The following GSE1 variants were observed in gnomAD, a reference collection of about 807,000 sequenced individuals.
GSE1 encodes the protein Gse1 coiled-coil protein.
GSE1 carries 32 observed loss-of-function variants against 112.6 expected under a neutral mutation model. The observed-to-expected ratio is 0.28, with a 90% CI of 0.21 to 0.38. GSE1 has a LOEUF of 0.38. GSE1 is among the 10% of genes least tolerant of loss of function. The pLI, the probability that GSE1 is intolerant of heterozygous loss-of-function variation, is 1.00. For synonymous variants in GSE1, 1,115 were observed against 735.6 expected (o/e 1.52, Z -8.35); for missense variants, 2,348 against 1,699.2 (o/e 1.38, Z -6.71).
intron 1 of GSE1, among the ~76,000 whole-genome samples, chr16:85,601,468 G>A (rs1257622051): frequency 1.3e-5 from 2 of 152,186 alleles, no homozygotes; most frequent in African/African-American, 2.4e-5. Flanking sequence ...AAGGCCAGGC[G>A]GGAAGAGGCT....
Position 85,661,279 on chromosome 16 carries a change from GACA to G in GSE1, c.1778_1780del (p.Asn593del). 2 of 1,612,922 alleles carry G rather than the reference GACA, an allele frequency of 1.2e-6. No individual in the cohort carries two copies. Among genetic ancestry groups the G allele is most frequent in the Middle Eastern group, 1.6e-4 (1 of 6,062 alleles). On this transcript the variant is annotated inframe_deletion, in exon 9 of 16. Transcript: ENST00000253458. ...CCTCTGGAACCCCGTGTCCCTGATG[GACA>G]ACACCTTGGAGACGCGGCGGGCCGA... is the stretch of plus-strand genomic sequence containing the variant.
chr16:85,220,968 C>T (rs1424167796), intron 1 of GSE1, among the ~76,000 whole-genome samples: 2 of 150,326 alleles, frequency 1.3e-5, no homozygotes, highest in African/African-American at 2.5e-5. Flanking sequence ...GGCCCCTCTC[C>T]CCCTCCCTGG....
chr16:85,367,647 C>T (rs1294034989), intron 2 of GSE1, among the ~76,000 whole-genome samples: 1 of 152,206 alleles, frequency 6.6e-6, no homozygotes, highest in Non-Finnish European at 1.5e-5. Flanking sequence ...GGCCCCGGGG[C>T]AGCCAGTGCC....
chr16:85,617,193 C>G (rs1023806934), intron 1 of GSE1, among the ~76,000 whole-genome samples: 1 of 152,190 alleles, frequency 6.6e-6, no homozygotes, highest in South Asian at 2.1e-4. Flanking sequence ...TCCCTCGCAT[C>G]CATACTCCCA....
chr16:85,466,241 C>T (rs2050116981), intron 2 of GSE1, among the ~76,000 whole-genome samples: 2 of 152,244 alleles, frequency 1.3e-5, no homozygotes. Context: ...GGCCCAGGCT[C>T]TGGTAGCCAG....
In GSE1 at chr16:85,657,384, A is replaced by G; in HGVS notation, c.1420A>G (p.Ile474Val). The change falls in exon 8 of 16, where the codon ATC becomes GTC. Residue 474 changes from isoleucine to valine, a missense_variant. Coordinates refer to ENST00000253458, the MANE Select transcript of GSE1 (RefSeq NM_014615.5). The stretch of plus-strand genomic sequence containing the variant: ...GCCCAGCCTCATCTCCAACCATGGC[A>G]TCTTCTCTCTGCCTAGCAGCAGTGC... ...TVPSLISNHG[I>V]FSLPSSSAAT... 3.1e-6 allele frequency: 5 copies of G among 1,612,584 alleles called. No homozygotes were observed. The highest frequency in any genetic ancestry group is 2.5e-6 in the Non-Finnish European group (3 of 1,179,830).
At chr16:85,352,646 A>AG (rs926593561) in intron 1 of GSE1, among the ~76,000 whole-genome samples, 13 of 152,320 alleles carry the variant, frequency 8.5e-5, no homozygotes, top group East Asian at 1.9e-4. Context: ...AGGATAAGGA[A>AG]GGGGGGCCCT....
rs542195909 is a variant in GSE1 at position 85,262,384 on chromosome 16, T to C, written c.2283+90577T>C. On this transcript the variant is annotated intron_variant, in intron 1 of 2. Coordinates refer to the GSE1 transcript ENST00000637419. ...TTGTCGGGGAGGGGGCCAGCTAGAG[T>C]TTGCATCGCTTTTGACAGCTAATTA... Among the ~76,000 whole-genome samples the C allele has an allele frequency of 8.6e-4, 131 of 151,998 alleles. 2 individuals carry two copies. The highest frequency in any genetic ancestry group is 3.1e-3 in the African/African-American group (129 of 41,450).
intron 11 of GSE1, among the ~76,000 whole-genome samples, chr16:85,664,159 A>G (rs1288748465): frequency 6.6e-6 from 1 of 152,234 alleles, no homozygotes; most frequent in Non-Finnish European, 1.5e-5. Flanking sequence ...AGCAGAAGAA[A>G]CAACGCAGCC....
At chr16:85,261,590 C>T (rs1907687755) in intron 1 of GSE1, among the ~76,000 whole-genome samples, 1 of 152,168 alleles carries the variant, frequency 6.6e-6, no homozygotes, top group African/African-American at 2.4e-5. Context: ...GAGGGCTGCC[C>T]CGTGTGGTAG....
At chr16:85,337,516 A>G (rs1308233795) in intron 1 of GSE1, among the ~76,000 whole-genome samples, 1 of 151,826 alleles carries the variant, frequency 6.6e-6, no homozygotes, top group East Asian at 1.9e-4. Context: ...CGTGTTAGCC[A>G]GGATGGTCTC....
At chr16:85,392,727 C>T (rs550447706) in intron 2 of GSE1, among the ~76,000 whole-genome samples, 2 of 152,338 alleles carry the variant, frequency 1.3e-5, no homozygotes, top group Non-Finnish European at 1.5e-5. Flanking sequence ...GAGAGCCAGC[C>T]GCATATCACA....
intron 1 of GSE1, among the ~76,000 whole-genome samples, chr16:85,562,683 G>A (rs1490451811): frequency 2.6e-5 from 4 of 152,214 alleles, no homozygotes; most frequent in Non-Finnish European, 2.9e-5. Flanking sequence ...CTGGTGCTCC[G>A]TGTCGCTTGC....
At chr16:85,330,393 C>G (rs937955511) in intron 1 of GSE1, among the ~76,000 whole-genome samples, 2 of 152,210 alleles carry the variant, frequency 1.3e-5, no homozygotes, top group African/African-American at 2.4e-5. Flanking sequence ...GTAACAGTCT[C>G]CCCTGGAGCC....
chr16:85,649,408 C>G (rs2051146921), intron 3 of GSE1, among the ~76,000 whole-genome samples: 1 of 152,198 alleles, frequency 6.6e-6, no homozygotes, highest in African/African-American at 2.4e-5. Flanking sequence ...AGATCCCAGC[C>G]CAGACGCTAT....
chr16:85,339,972 C>T (rs1318961404), intron 1 of GSE1, among the ~76,000 whole-genome samples: 1 of 152,192 alleles, frequency 6.6e-6, no homozygotes, highest in East Asian at 1.9e-4. Context: ...ATTTAAAATT[C>T]ACTAACAGGC....
chr16:85,441,717 T>C (rs1213602425), intron 2 of GSE1, among the ~76,000 whole-genome samples: 1 of 152,068 alleles, frequency 6.6e-6, no homozygotes, highest in Non-Finnish European at 1.5e-5. Context: ...GTGTAGGAGT[T>C]TTCCAGGAAA....
chr16:85,608,807 T>C (rs1423327916), upstream of GSE1, among the ~76,000 whole-genome samples: 1 of 152,210 alleles, frequency 6.6e-6, no homozygotes, highest in Non-Finnish European at 1.5e-5. Context: ...CTTTACCTCC[T>C]GGCCCACGGA....
At chr16:85,360,684 C>T (rs1173855906) in intron 2 of GSE1, among the ~76,000 whole-genome samples, 3 of 152,116 alleles carry the variant, frequency 2.0e-5, no homozygotes, top group African/African-American at 7.2e-5. Context: ...GAGACAGACA[C>T]AGACACAGTA....
Sources: gnomAD v4.1 joint callset for allele counts (sites outside exome capture counted in the v4.1 genomes callset) on GRCh38, gnomAD v4.1.1 for gene constraint, MANE v1.5 for transcripts, NCBI Gene and HGNC (gene_info 2026-07-23, HGNC 2026-07-21) for gene names.